Variants in POLR2B observed in about 807,000 individuals in gnomAD.
The protein encoded by POLR2B is RNA polymerase II subunit B, also known as DNA-directed RNA polymerase II subunit RPB2.
A neutral mutation model predicts 144.6 loss-of-function variants in POLR2B; 57 were observed. That is an observed-to-expected ratio of 0.39 (90% CI 0.32 to 0.49). POLR2B has a LOEUF of 0.49. Ranked by LOEUF, POLR2B falls within the 20% of genes least tolerant of loss-of-function variation. The pLI is 0.83. For missense variants in POLR2B, 595 were observed against 1,467.4 expected, an observed-to-expected ratio of 0.41 and a Z score of 9.71; for synonymous variants, 442 against 469.8, an observed-to-expected ratio of 0.94 and a Z score of 0.77.
chr4:56,990,606 G>A (rs1722483891), intron 2 of POLR2B, 142 bp from the exon 3 acceptor site: 2 of 667,392 alleles, frequency 3.0e-6, no homozygotes, highest in South Asian at 4.1e-5. Flanking sequence ...ACCTCATAGT[G>A]TCTTGTTTAG....
chr4:57,006,766 A>G, intron 9 of POLR2B, 50 bp from the exon 10 acceptor site: 1 of 1,395,114 alleles, frequency 7.2e-7, no homozygotes. Flanking sequence ...TGTTGAGAAT[A>G]TATGTTGTAG....
intron 16 of POLR2B, among the ~76,000 whole-genome samples, chr4:57,019,369 GA>G (rs1429170521): frequency 3.3e-5 from 5 of 151,752 alleles, no homozygotes; most frequent in African/African-American, 1.2e-4. Context: ...TCTTTATTTT[GA>G]AATTCTTTTT....
intron 1 of POLR2B, chr4:56,986,134 T>C (rs1163699154): frequency 1.1e-5 from 6 of 526,148 alleles, no homozygotes; most frequent in Non-Finnish European, 1.7e-5. Context: ...ACAACTTACA[T>C]TGAACCTTTC....
At chr4:57,024,147 C>A in intron 21 of POLR2B, 35 bp downstream of exon 21, 1 of 1,098,502 alleles carries the variant, frequency 9.1e-7, no homozygotes, top group Admixed American at 2.0e-5. Context: ...AGATTCTAAG[C>A]TGATGCTTCT....
At chr4:57,003,546 C>A (rs576398742) in intron 7 of POLR2B, among the ~76,000 whole-genome samples, 1 of 152,230 alleles carries the variant, frequency 6.6e-6, no homozygotes, top group East Asian at 1.9e-4. Context: ...CATAATGAGA[C>A]CCCTGTGTCT....
At chr4:57,025,105 T>C in intron 22 of POLR2B, 106 bp downstream of exon 22, 1 of 657,492 alleles carries the variant, frequency 1.5e-6, no homozygotes, top group Non-Finnish European at 2.7e-6. Context: ...TATGTGCACA[T>C]ATAGAAATGT....
chr4:57,007,028 G>A, intron 10 of POLR2B, 26 bp downstream of exon 10: 1 of 1,487,510 alleles, frequency 6.7e-7, no homozygotes, highest in Non-Finnish European at 9.3e-7. Context: ...ATGACTACAG[G>A]CTCAATAGGA....
intron 21 of POLR2B, 88 bp from the exon 22 acceptor site, chr4:57,024,795 TAAA>T (rs1723662588): frequency 4.5e-6 from 3 of 670,516 alleles, no homozygotes; most frequent in Non-Finnish European, 7.8e-6. Flanking sequence ...TAAAAGTATT[TAAA>T]AATTTTTTGA....
At chr4:56,999,313 T>A (rs1722784961) in intron 6 of POLR2B, among the ~76,000 whole-genome samples, 1 of 151,866 alleles carries the variant, frequency 6.6e-6, no homozygotes, top group South Asian at 2.1e-4. Context: ...AGTATTCATA[T>A]TTTTTTGCAG....
chr4:56,986,610 A>G (rs2109646693), intron 2 of POLR2B, 184 bp downstream of exon 2: 1 of 450,932 alleles, frequency 2.2e-6, no homozygotes, highest in East Asian at 3.7e-5. Flanking sequence ...CATTTTAACC[A>G]GATTCCGAAA....
At chr4:57,010,091 A>G (rs1723142211) in intron 10 of POLR2B, 3 of 343,870 alleles carry the variant, frequency 8.7e-6, no homozygotes, top group Admixed American at 4.4e-5. Context: ...CAATTTTAAA[A>G]AATTCCCTGC....
chr4:56,980,174 T>C (rs1465002828), intron 1 of POLR2B, among the ~76,000 whole-genome samples: 1 of 151,626 alleles, frequency 6.6e-6, no homozygotes, highest in African/African-American at 2.4e-5. Context: ...CATCTGCCTG[T>C]CTCGGCCTCC....
chr4:56,984,527 C>T (rs987614224), intron 1 of POLR2B, among the ~76,000 whole-genome samples: 2 of 152,010 alleles, frequency 1.3e-5, no homozygotes, highest in African/African-American at 2.4e-5. Context: ...TCTCTAAAGC[C>T]GATCTCATCA....
intron 21 of POLR2B, among the ~76,000 whole-genome samples, chr4:57,024,358 G>C (rs755281307): frequency 6.6e-6 from 1 of 152,022 alleles, no homozygotes; most frequent in Non-Finnish European, 1.5e-5. Context: ...CTTTTGACTA[G>C]TTCTTTTCTG....
chr4:56,990,672 G>A, intron 2 of POLR2B, 76 bp from the exon 3 acceptor site: 2 of 1,240,920 alleles, frequency 1.6e-6, no homozygotes, highest in Middle Eastern at 2.0e-4. Context: ...ATGAAAATGG[G>A]GAAATAATGA....
At chr4:56,992,747 A>G (rs540491764) in intron 3 of POLR2B, among the ~76,000 whole-genome samples, 1 of 151,234 alleles carries the variant, frequency 6.6e-6, no homozygotes, top group East Asian at 2.1e-4. Context: ...TATTTTTAGT[A>G]GAGACAGGGT....
intron 7 of POLR2B, among the ~76,000 whole-genome samples, chr4:57,000,331 G>T (rs560725920): frequency 6.6e-6 from 1 of 152,304 alleles, no homozygotes; most frequent in East Asian, 1.9e-4. Flanking sequence ...TGCGGAGGCT[G>T]AGTTGGGAAG....
Position 57,022,202 on chromosome 4 carries a change from A to G in POLR2B, c.2471A>G (p.Asp824Gly), listed in dbSNP as rs1723574843. 1 of 1,612,802 alleles carries G rather than the reference A, an allele frequency of 6.2e-7. No individual in the cohort carries two copies. The highest frequency in any genetic ancestry group is 8.5e-7 in the Non-Finnish European group (1 of 1,179,048). ...YKEQESKKGF[D>G]QEEVFEKPTR... is the part of the protein sequence containing the mutation. ...GAACAGGAGTCTAAAAAAGGATTTGATCAAGAAGAAGTTTTTGAGAAGCCT... is the reference window on the plus strand; with the variant it reads ...GAACAGGAGTCTAAAAAAGGATTTGGTCAAGAAGAAGTTTTTGAGAAGCCT... Residue 824 changes from aspartate to glycine, a missense_variant, in exon 18 of 25, where the codon GAT becomes GGT. Transcript: ENST00000314595.
At chr4:56,992,558 CTATT>C (rs1238684118) in intron 3 of POLR2B, among the ~76,000 whole-genome samples, 59 of 109,652 alleles carry the variant, frequency 5.4e-4, no homozygotes, top group South Asian at 9.9e-4. Flanking sequence ...TTTGGCTTAT[CTATT>C]TTTTTTTTTT....
Sources: gnomAD v4.1 joint callset for allele counts (sites outside exome capture counted in the v4.1 genomes callset) on GRCh38, gnomAD v4.1.1 for gene constraint, MANE v1.5 for transcripts, NCBI Gene and HGNC (gene_info 2026-07-23, HGNC 2026-07-21) for gene names.